GSK3B: variants seen among roughly 807,000 people sequenced by gnomAD.
GSK3B encodes glycogen synthase kinase-3 beta.
A neutral mutation model predicts 56.4 loss-of-function variants in GSK3B; 15 were observed. The ratio of observed to expected loss-of-function variants is 0.27; its 90% CI spans 0.18 to 0.41. The LOEUF (loss-of-function observed/expected upper bound fraction) is 0.41, where lower values mean the gene tolerates loss of function less well. Ranked by LOEUF, GSK3B falls within the 10% of genes least tolerant of loss-of-function variation. GSK3B has a pLI of 1.00. For missense variants in GSK3B, 300 were observed against 513.4 expected (o/e 0.58, Z 4.02); for synonymous variants, 181 against 188.9 (o/e 0.96, Z 0.34).
chr3:119,924,405 C>T (rs959797835), intron 3 of GSK3B, among the ~76,000 whole-genome samples: 1 of 152,330 alleles, frequency 6.6e-6, no homozygotes, highest in South Asian at 2.1e-4. Flanking sequence ...ATAATCTTAC[C>T]TATCAAACTG....
chr3:119,852,692 A>C (rs552207645), intron 9 of GSK3B, among the ~76,000 whole-genome samples: 88 of 152,268 alleles, frequency 5.8e-4, no homozygotes, highest in African/African-American at 2.0e-3. Context: ...GGCATTACCA[A>C]GTTTTTCAAA....
At chr3:119,857,217 T>C (rs1349675253) in intron 9 of GSK3B, among the ~76,000 whole-genome samples, 2 of 152,186 alleles carry the variant, frequency 1.3e-5, no homozygotes, top group African/African-American at 4.8e-5. Flanking sequence ...TGGCAATTTC[T>C]TAAAACAAAA....
intron 1 of GSK3B, among the ~76,000 whole-genome samples, chr3:120,081,476 G>C (rs1033858454): frequency 6.6e-6 from 1 of 152,186 alleles, no homozygotes; most frequent in Non-Finnish European, 1.5e-5. Flanking sequence ...GAACCCAGGA[G>C]GTGGAGGTTG....
chr3:119,979,648 A>T (rs183318386), intron 2 of GSK3B, among the ~76,000 whole-genome samples: 1 of 152,196 alleles, frequency 6.6e-6, no homozygotes, highest in Non-Finnish European at 1.5e-5. Context: ...TTTTCTCTTC[A>T]TCAATCTTAT....
At chr3:119,942,739 T>C (rs78869460) in intron 3 of GSK3B, among the ~76,000 whole-genome samples, 3,963 of 152,248 alleles carry the variant, frequency 0.026, 176 homozygotes, top group African/African-American at 0.089. Flanking sequence ...GAAAATTTCA[T>C]TGGGGATGTA....
intron 9 of GSK3B, among the ~76,000 whole-genome samples, chr3:119,847,609 C>G (rs887812030): frequency 2.0e-5 from 3 of 152,128 alleles, no homozygotes; most frequent in Non-Finnish European, 4.4e-5. Context: ...CACAGAAGTA[C>G]TGTGATATAT....
chr3:119,992,182 C>T (rs2057572043), intron 2 of GSK3B, among the ~76,000 whole-genome samples: 3 of 151,950 alleles, frequency 2.0e-5, no homozygotes, highest in African/African-American at 7.2e-5. Flanking sequence ...AGAAAAGCTA[C>T]AAGGGCATAT....
In GSK3B at chr3:119,960,151, C is replaced by CAAAA. The variant is rs574956694; in HGVS notation, c.283-12804_283-12801dup. On this transcript the variant is annotated intron_variant, in intron 2 of 10. Transcript: ENST00000264235. The stretch of plus-strand genomic sequence containing the variant: ...GCATCCCCAGAAACCTATGCTGAGA[C>CAAAA]AAAAAAAAAAAAAAAAAAAAAAAGC... 1.3e-3 allele frequency among the ~76,000 whole-genome samples: 100 copies of CAAAA among 74,498 alleles called. 2 individuals are homozygous for CAAAA. The highest frequency in any genetic ancestry group is 6.6e-3 in the East Asian group (14 of 2,130). The allele number at this position is 74,498 out of a possible 152,430, so 48.9% of individuals were successfully genotyped here.
chr3:119,892,716 A>G (rs2056516960), intron 7 of GSK3B, among the ~76,000 whole-genome samples: 1 of 152,190 alleles, frequency 6.6e-6, no homozygotes, highest in Admixed American at 6.5e-5. Context: ...CTAGGCTTAT[A>G]GATAATGAAT....
In GSK3B at chr3:119,826,835, C is replaced by A; in HGVS notation, c.1216G>T (p.Gly406Ter). 6.2e-7 allele frequency: 1 copy of A among 1,611,622 alleles called. No individual in the cohort carries two copies. The highest frequency in any genetic ancestry group is 8.5e-7 in the Non-Finnish European group (1 of 1,177,764). ...AASDANTGDR[G>*]QTNNAASASA... The stretch of plus-strand genomic sequence containing the variant: ...GCAGAAGCAGCATTATTGGTCTGTC[C>A]ACGGTCTCCAGTATTAGCATCTGCA... The change falls in exon 11 of 11, where the codon GGA becomes TGA. Residue 406 changes from glycine (G) to a stop codon, truncating the protein, a stop_gained. Transcript: ENST00000264235. LOFTEE classifies it high-confidence loss of function.
At chr3:119,965,379 T>A (rs1184237977) in intron 2 of GSK3B, among the ~76,000 whole-genome samples, 2 of 151,530 alleles carry the variant, frequency 1.3e-5, no homozygotes, top group African/African-American at 4.8e-5. Context: ...TTTTTTTTAT[T>A]TTTATAGAGA....
At chr3:119,940,167 T>A (rs1440238633) in intron 3 of GSK3B, among the ~76,000 whole-genome samples, 1 of 151,470 alleles carries the variant, frequency 6.6e-6, no homozygotes, top group African/African-American at 2.4e-5. Context: ...AGTATATATA[T>A]AAAAATATAT....
intron 2 of GSK3B, among the ~76,000 whole-genome samples, chr3:119,958,382 G>GGGGA (rs2057236547): frequency 7.3e-6 from 1 of 136,502 alleles, no homozygotes; most frequent in African/African-American, 2.7e-5. Context: ...TATCGAAAAA[G>GGGGA]GGGTGGGTGG....
chr3:120,093,028 T>C (rs960711218), intron 1 of GSK3B, among the ~76,000 whole-genome samples: 2 of 152,222 alleles, frequency 1.3e-5, no homozygotes, highest in African/African-American at 4.8e-5. Context: ...AAGTAAACAC[T>C]GTCATCACTA....
intron 7 of GSK3B, among the ~76,000 whole-genome samples, chr3:119,893,635 T>A (rs1384442694): frequency 6.6e-6 from 1 of 152,110 alleles, no homozygotes; most frequent in Non-Finnish European, 1.5e-5. Flanking sequence ...AATGAACTAC[T>A]AAAGGAGGGT....
chr3:119,961,093 C>T (rs1261994134), intron 2 of GSK3B, among the ~76,000 whole-genome samples: 1 of 151,984 alleles, frequency 6.6e-6, no homozygotes, highest in Non-Finnish European at 1.5e-5. Flanking sequence ...GTCACGAGCC[C>T]CCACCCCTCA....
intron 1 of GSK3B, among the ~76,000 whole-genome samples, chr3:120,019,413 C>T (rs992372008): frequency 4.6e-5 from 7 of 152,196 alleles, no homozygotes; most frequent in South Asian, 2.1e-4. Context: ...TTGCTCTCCT[C>T]CATCAGGAAT....
chr3:119,944,564 G>T (rs1244996325), intron 3 of GSK3B, among the ~76,000 whole-genome samples: 1 of 152,086 alleles, frequency 6.6e-6, no homozygotes, highest in African/African-American at 2.4e-5. Flanking sequence ...CCAAACCGCT[G>T]ATTTTTCACT....
rs1171237988 is a variant in GSK3B, at chr3:120,093,521, T to A, written c.-87A>T. 1.2e-6 allele frequency: 1 copy of A among 847,952 alleles called. No homozygotes were observed. Among genetic ancestry groups the A allele is most frequent in the East Asian group, 2.4e-5 (1 of 41,052 alleles). 52.5% of individuals were successfully genotyped at this position (847,952 alleles called of 1,614,324 possible). A position where few individuals can be genotyped will look rare whatever the true frequency, so the allele number is the denominator to read the frequency against. Reference sequence around the variant, plus strand: ...GTTGGGGTGTTAGGTTAACGATAAATGCAGCATTAAGTTCTCCCACAGAAG... The same window carrying A: ...GTTGGGGTGTTAGGTTAACGATAAAAGCAGCATTAAGTTCTCCCACAGAAG... On this transcript the variant is annotated 5_prime_UTR_variant, in exon 1 of 11. Transcript: ENST00000264235.
Sources: gnomAD v4.1 joint callset for allele counts (sites outside exome capture counted in the v4.1 genomes callset) on GRCh38, gnomAD v4.1.1 for gene constraint, MANE v1.5 for transcripts, NCBI Gene and HGNC (gene_info 2026-07-23, HGNC 2026-07-21) for gene names.